Variants in RPS6KA2 observed in about 807,000 individuals in gnomAD.
The protein encoded by RPS6KA2 is ribosomal protein S6 kinase alpha-2.
In RPS6KA2, 42 loss-of-function variants were observed where a neutral mutation model predicts 91.8. That is an observed-to-expected ratio of 0.46 (90% CI 0.36 to 0.59). The LOEUF is 0.59. Among genes scored for constraint, RPS6KA2 ranks in the 20% least tolerant of loss-of-function variants. The pLI is 0.00. For synonymous variants in RPS6KA2, 414 were observed against 393.6 expected (o/e 1.05, Z -0.61); for missense variants, 798 against 978.5 (o/e 0.82, Z 2.46).
chr6:166,460,499 C>T lies in RPS6KA2; in HGVS notation c.973-948G>A, dbSNP rs549784656. ...AGAGAAGTGTGGAGGGGGAGGGGCA[C>T]TGGAGGGAGGACTGGGGCCTGAGGC... On this transcript the variant is annotated intron_variant, in intron 11 of 20. Coordinates refer to ENST00000265678, the MANE Select transcript of RPS6KA2 (RefSeq NM_021135.6). Among the ~76,000 whole-genome samples the T allele has an allele frequency of 9.9e-5, 15 of 152,150 alleles. No individual in the cohort carries two copies. The East Asian group carries it at 2.7e-3, about 28-fold the overall frequency.
At chr6:166,824,765 C>CTGTGTCTACG (rs1554260957) in intron 2 of RPS6KA2, among the ~76,000 whole-genome samples, 1 of 41,820 alleles carries the variant, frequency 2.4e-5, no homozygotes, top group Non-Finnish European at 5.5e-5. Context: ...GTGTGTGTGT[C>CTGTGTCTACG]TGTGTGTCTA....
chr6:166,826,051 A>G (rs1780041974), intron 2 of RPS6KA2, among the ~76,000 whole-genome samples: 1 of 152,242 alleles, frequency 6.6e-6, no homozygotes, highest in African/African-American at 2.4e-5. Flanking sequence ...CTTCGGGCAT[A>G]AATAGATGTT....
At chr6:166,599,479 T>C (rs1348700339) in intron 1 of RPS6KA2, among the ~76,000 whole-genome samples, 2 of 152,172 alleles carry the variant, frequency 1.3e-5, no homozygotes, top group South Asian at 2.1e-4. Context: ...AAGCAATCCA[T>C]GTCAACCAAG....
rs982582646 is a variant in RPS6KA2 at position 166,737,169 on chromosome 6, T to A, written c.123+121031A>T. Among the ~76,000 whole-genome samples, 7 of 152,228 alleles carry A rather than the reference T, an allele frequency of 4.6e-5. No individual in the cohort carries two copies. Among genetic ancestry groups the A allele is most frequent in the African/African-American group, 1.7e-4 (7 of 41,452 alleles). On this transcript the variant is annotated intron_variant, in intron 2 of 21. Coordinates refer to the RPS6KA2 transcript ENST00000503859. The surrounding 1 kb of genome is among the most constrained non-coding windows in gnomAD (Gnocchi z 4.3). The stretch of plus-strand genomic sequence containing the variant: ...AATCCTGGCTAAGAGACACAATTTT[T>A]AAGACATTCCTCATCAGTTGCCAAA...
chr6:166,480,515 A>ATATATAAT (rs1438315609), intron 10 of RPS6KA2, among the ~76,000 whole-genome samples: 2 of 84,350 alleles, frequency 2.4e-5, no homozygotes, highest in South Asian at 3.7e-4. Flanking sequence ...ATATATATAT[A>ATATATAAT]ATATATTTTT....
rs1345664899 is a variant in RPS6KA2 at position 166,770,414 on chromosome 6, C to T, written c.123+87786G>A. 1.3e-5 allele frequency among the ~76,000 whole-genome samples: 2 copies of T among 151,920 alleles called. No homozygotes were observed. Among genetic ancestry groups the T allele is most frequent in the Non-Finnish European group, 2.9e-5 (2 of 68,040 alleles). On this transcript the variant is annotated intron_variant, in intron 2 of 21. Coordinates refer to the RPS6KA2 transcript ENST00000503859. The surrounding 1 kb of genome is among the most constrained non-coding windows in gnomAD (Gnocchi z 5.1). The stretch of plus-strand genomic sequence containing the variant: ...TGGTCGGCCACCAGCCTGCAAACCT[C>T]GAGGGCAGACACAGCCCCAGGCAGC...
At chr6:166,748,304 A>AC in intron 2 of RPS6KA2, among the ~76,000 whole-genome samples, 1 of 152,042 alleles carries the variant, frequency 6.6e-6, no homozygotes, top group East Asian at 1.9e-4. Flanking sequence ...CAGCGCCACC[A>AC]CCTCCCCAGG....
intron 1 of RPS6KA2, among the ~76,000 whole-genome samples, chr6:166,582,027 T>C (rs7757862): frequency 0.083 from 1,795 of 21,570 alleles, no homozygotes; most frequent in East Asian, 0.27. Context: ...GGGTGGGACG[T>C]CCACTGGGCA....
At chr6:166,722,076 A>G (rs1790192653) in intron 2 of RPS6KA2, among the ~76,000 whole-genome samples, 1 of 152,226 alleles carries the variant, frequency 6.6e-6, no homozygotes, top group Non-Finnish European at 1.5e-5. Flanking sequence ...ATATAATCAG[A>G]ATATAATACA....
intron 2 of RPS6KA2, among the ~76,000 whole-genome samples, chr6:166,781,372 G>A (rs1038140686): frequency 2.0e-5 from 3 of 152,190 alleles, no homozygotes; most frequent in Non-Finnish European, 4.4e-5. Context: ...CACACCCCCT[G>A]GCGTGCTCCC....
intron 2 of RPS6KA2, among the ~76,000 whole-genome samples, chr6:166,633,326 T>G (rs1787141490): frequency 6.6e-6 from 1 of 152,222 alleles, no homozygotes; most frequent in African/African-American, 2.4e-5. Flanking sequence ...CTTCTACCTC[T>G]GGCCAGTGTG....
Position 166,433,956 on chromosome 6 carries a change from T to G in RPS6KA2, c.1333-1466A>C, listed in dbSNP as rs1300706521. 6.6e-6 allele frequency among the ~76,000 whole-genome samples: 1 copy of G among 151,986 alleles called. No individual in the cohort carries two copies. Among genetic ancestry groups the G allele is most frequent in the East Asian group, 1.9e-4 (1 of 5,186 alleles). On this transcript the variant is annotated intron_variant, in intron 14 of 20. Transcript: ENST00000265678. The surrounding 1 kb of genome is among the most constrained non-coding windows in gnomAD (Gnocchi z 4.4). ...ATTCTTTGTAGAGATGATGGGGTCT[T>G]GCTGTGTTGCCCAGGCTGGTCTCTA...
intron 5 of RPS6KA2, among the ~76,000 whole-genome samples, chr6:166,506,787 G>T (rs1432698832): frequency 1.3e-5 from 2 of 152,132 alleles, no homozygotes; most frequent in Non-Finnish European, 2.9e-5. Context: ...GGGAAGGTGG[G>T]GAAAAGGGAG....
intron 2 of RPS6KA2, among the ~76,000 whole-genome samples, chr6:166,777,040 T>C (rs752315361): frequency 2.0e-5 from 3 of 152,126 alleles, no homozygotes; most frequent in Admixed American, 6.5e-5. Context: ...TGGTGGTCTT[T>C]TTGTTGTTCA....
At chr6:166,750,636 G>A (rs1248764532) in intron 2 of RPS6KA2, among the ~76,000 whole-genome samples, 1 of 152,216 alleles carries the variant, frequency 6.6e-6, no homozygotes, top group Non-Finnish European at 1.5e-5. Flanking sequence ...TGCCACCCGA[G>A]CCCGAGCTCC....
intron 1 of RPS6KA2, among the ~76,000 whole-genome samples, chr6:166,593,542 C>T (rs1378017813): frequency 2.6e-5 from 4 of 152,000 alleles, no homozygotes; most frequent in African/African-American, 9.7e-5. Context: ...TTTTCTTATG[C>T]AGGTACAACA....
intron 1 of RPS6KA2, among the ~76,000 whole-genome samples, chr6:166,573,481 C>T (rs1015893031): frequency 6.6e-6 from 1 of 152,240 alleles, no homozygotes; most frequent in Non-Finnish European, 1.5e-5. Flanking sequence ...ATGTAAAGTA[C>T]AGATCAACAG....
intron 1 of RPS6KA2, among the ~76,000 whole-genome samples, chr6:166,610,182 T>C (rs1037860351): frequency 6.6e-6 from 1 of 152,222 alleles, no homozygotes; most frequent in Admixed American, 6.5e-5. Context: ...TGGCATCAAC[T>C]ACAACGTGAG....
chr6:166,759,357 C>T (rs1041759481), intron 2 of RPS6KA2, among the ~76,000 whole-genome samples: 1 of 152,232 alleles, frequency 6.6e-6, no homozygotes, highest in Admixed American at 6.5e-5. Context: ...GGTCACACTT[C>T]TGAGCTGTTA....
Sources: allele counts gnomAD v4.1 joint callset (sites outside exome capture counted in the v4.1 genomes callset), GRCh38; gene constraint gnomAD v4.1.1; non-coding constraint Gnocchi (gnomAD v3.1); transcripts MANE v1.5; gene names NCBI Gene and HGNC (gene_info 2026-07-23, HGNC 2026-07-21).